Variants in FER1L6 observed in about 807,000 individuals in gnomAD.
The protein encoded by FER1L6 is fer-1-like protein 6.
Under a neutral mutation model 219.2 loss-of-function variants are expected in FER1L6, and 177 were observed. The ratio of observed to expected loss-of-function variants is 0.81; its 90% CI spans 0.71 to 0.91. FER1L6 has a LOEUF of 0.91. Ranked by LOEUF, FER1L6 falls within the 40% of genes least tolerant of loss-of-function variation. The pLI is 0.00. For missense variants in FER1L6, 2,153 were observed against 2,259.9 expected, an observed-to-expected ratio of 0.95 and a Z score of 0.96; for synonymous variants, 768 against 824.3, an observed-to-expected ratio of 0.93 and a Z score of 1.17.
Position 123,986,151 on chromosome 8 carries a change from A to G in FER1L6, c.1494A>G (p.Lys498=), listed in dbSNP as rs1196436358. The change falls in exon 12 of 41, where the codon AAA becomes AAG. Residue 498 remains lysine, a synonymous_variant. Transcript: ENST00000522917. ...ATMIDRKIGD[K]PISFEVSIGN... ...TGATTGACCGGAAGATTGGAGATAAACCCATCAGCTTTGAAGTTTCTATTG... is the reference window on the plus strand; with the variant it reads ...TGATTGACCGGAAGATTGGAGATAAGCCCATCAGCTTTGAAGTTTCTATTG... 6.2e-7 allele frequency: 1 copy of G among 1,612,200 alleles called. No individual in the cohort carries two copies. Among genetic ancestry groups the G allele is most frequent in the Admixed American group, 1.7e-5 (1 of 60,018 alleles).
chr8:123,949,354 A>G (rs1814647245), intron 1 of FER1L6, among the ~76,000 whole-genome samples: 1 of 149,586 alleles, frequency 6.7e-6, no homozygotes, highest in African/African-American at 2.5e-5. Context: ...CACAGCATCA[A>G]AAAAAAAATG....
At position 124,035,419 on chromosome 8, in the gene FER1L6, G is replaced by A; in HGVS notation, c.2429G>A (p.Gly810Asp). ...YEAEMSSKGAGTNHPPSNLLY... is the reference protein window; with the variant it reads ...YEAEMSSKGADTNHPPSNLLY... ...GCAGAAATGTCCTCCAAAGGGGCTG[G>A]CACCAATCACCCCCCATCTAACCTG... The change falls in exon 19 of 41, where the codon GGC (glycine) becomes GAC (aspartate). Residue 810 changes from glycine (G) to aspartate (D), a missense_variant. By Grantham distance (94) the Gly-to-Asp change is moderately conservative. Coordinates refer to ENST00000522917, the MANE Select transcript of FER1L6 (RefSeq NM_001039112.2). The A allele has an allele frequency of 6.2e-7, 1 of 1,613,600 alleles. No individual in the cohort carries two copies. The highest frequency in any genetic ancestry group is 8.5e-7 in the Non-Finnish European group (1 of 1,179,950).
intron 1 of FER1L6, among the ~76,000 whole-genome samples, chr8:123,902,582 T>A (rs1457282104): frequency 6.6e-6 from 1 of 152,218 alleles, no homozygotes; most frequent in Non-Finnish European, 1.5e-5. Flanking sequence ...CTCTTTTAAC[T>A]GTTGTTTCTT....
intron 1 of FER1L6, among the ~76,000 whole-genome samples, chr8:123,899,660 C>T (rs1170849708): frequency 6.6e-6 from 1 of 151,746 alleles, no homozygotes; most frequent in African/African-American, 2.4e-5. Flanking sequence ...AGGTTTAAGT[C>T]CTTGAGTTGA....
At chr8:124,064,935 T>C (rs1367848695) in intron 26 of FER1L6, among the ~76,000 whole-genome samples, 1 of 152,226 alleles carries the variant, frequency 6.6e-6, no homozygotes, top group Non-Finnish European at 1.5e-5. Flanking sequence ...GATGCATCTT[T>C]TGGATTCCAA....
intron 36 of FER1L6, 132 bp from the exon 37 acceptor site, chr8:124,097,653 C>G: frequency 1.6e-6 from 1 of 635,626 alleles, no homozygotes; most frequent in Non-Finnish European, 2.8e-6. Context: ...AACCAAGCCC[C>G]TAAGTGTTGA....
rs368606690 is a variant in FER1L6 at position 123,886,912 on chromosome 8, T to A, written c.-8+34727T>A. Among the ~76,000 whole-genome samples the A allele has an allele frequency of 6.6e-5, 10 of 152,282 alleles. No individual in the cohort carries two copies. The South Asian group carries it at 2.1e-3, about 32-fold the overall frequency. The stretch of plus-strand genomic sequence containing the variant: ...TATGCAAATATCGAAACTGACCCAA[T>A]AGTCCCATAGACAGTTTTTTTTAAA... On this transcript the variant is annotated intron_variant, in intron 1 of 40. Transcript: ENST00000522917.
At chr8:123,970,200 AG>A (rs2130252557) in intron 6 of FER1L6, 103 bp downstream of exon 6, 1 of 1,035,700 alleles carries the variant, frequency 9.7e-7, no homozygotes, top group South Asian at 1.3e-5. Context: ...GAATAGATTC[AG>A]GAGGGCAAGT....
At chr8:124,078,393 T>A (rs1446188596) in intron 32 of FER1L6, among the ~76,000 whole-genome samples, 1 of 152,178 alleles carries the variant, frequency 6.6e-6, no homozygotes, top group African/African-American at 2.4e-5. Flanking sequence ...TAAAGCAAAA[T>A]GATGAGATCC....
chr8:123,911,730 G>A (rs930394434), intron 1 of FER1L6, among the ~76,000 whole-genome samples: 6 of 152,166 alleles, frequency 3.9e-5, no homozygotes, highest in African/African-American at 9.7e-5. Flanking sequence ...CTGATTGTCC[G>A]AGAGCATGCA....
At chr8:123,952,496 C>T (rs1479360523) in intron 1 of FER1L6, among the ~76,000 whole-genome samples, 1 of 152,204 alleles carries the variant, frequency 6.6e-6, no homozygotes, top group African/African-American at 2.4e-5. Flanking sequence ...CTGTGTACCT[C>T]TTGCCTTATC....
chr8:123,985,340 T>G (rs946882687), intron 11 of FER1L6: 3 of 152,260 alleles, frequency 2.0e-5, no homozygotes, highest in African/African-American at 7.2e-5. Flanking sequence ...CCACATTGCA[T>G]GTAGCCCACC....
chr8:124,017,185 A>G (rs1372951029), intron 15 of FER1L6, among the ~76,000 whole-genome samples: 2 of 152,062 alleles, frequency 1.3e-5, no homozygotes, highest in Non-Finnish European at 1.5e-5. Flanking sequence ...TTTTAACTTT[A>G]CCTCCAAAAA....
intron 29 of FER1L6, among the ~76,000 whole-genome samples, chr8:124,069,731 G>A (rs189079166): frequency 1.4e-4 from 21 of 152,304 alleles, no homozygotes; most frequent in Non-Finnish European, 2.4e-4. Flanking sequence ...GTAATCTACA[G>A]CATTTGAGCT....
chr8:123,971,998 C>T (rs1815843208), intron 6 of FER1L6, among the ~76,000 whole-genome samples: 1 of 152,248 alleles, frequency 6.6e-6, no homozygotes, highest in Admixed American at 6.5e-5. Context: ...TGCATTTCAT[C>T]TTGCCCACAG....
rs4871440 is a variant in FER1L6, at chr8:123,935,670, C to G, written c.-7-20322C>G. Among the ~76,000 whole-genome samples the G allele has an allele frequency of 5.0e-3, 756 of 151,946 alleles. 2 individuals are homozygous for G. The highest frequency in any genetic ancestry group is 0.017 in the Middle Eastern group (5 of 294). ...AGGGAAGTGCAAGCTCCTGAACACC[C>G]GCTCAACACAGCTCCTGGCAGTATC... On this transcript the variant is annotated intron_variant, in intron 1 of 40. Coordinates refer to ENST00000522917, the MANE Select transcript of FER1L6 (RefSeq NM_001039112.2).
At chr8:123,874,233 T>C (rs1218764281) in intron 1 of FER1L6, among the ~76,000 whole-genome samples, 1 of 152,222 alleles carries the variant, frequency 6.6e-6, no homozygotes, top group Admixed American at 6.5e-5. Flanking sequence ...TTATCTCTTC[T>C]ACTTTCCCAG....
At chr8:123,912,310 A>T (rs893030928) in intron 1 of FER1L6, among the ~76,000 whole-genome samples, 1 of 152,156 alleles carries the variant, frequency 6.6e-6, no homozygotes, top group Non-Finnish European at 1.5e-5. Flanking sequence ...CCTACTAAGT[A>T]TTGTAAGAAG....
rs764523318 is a variant in FER1L6, at chr8:124,060,253, C to T, written c.2948C>T (p.Ala983Val). Residue 983 changes from alanine to valine, a missense_variant, in exon 23 of 41, where the codon GCC becomes GTC. Ala to Val is a moderately conservative substitution (Grantham distance 64). Transcript: ENST00000522917. ...ATCACCCAGATCTACCCGGTTCCTG[C>T]CAACATTCGGCCGGTGCTGAGCAAA... is the stretch of plus-strand genomic sequence containing the variant. The part of the protein sequence containing the change: ...PDITQIYPVP[A>V]NIRPVLSKYR... 2.7e-5 allele frequency: 43 copies of T among 1,614,166 alleles called. No homozygotes were observed. Among genetic ancestry groups the T allele is most frequent in the Non-Finnish European group, 3.6e-5 (43 of 1,180,020 alleles).
Sources: allele counts gnomAD v4.1 joint callset (sites outside exome capture counted in the v4.1 genomes callset), GRCh38; gene constraint gnomAD v4.1.1; transcripts MANE v1.5; gene names NCBI Gene and HGNC (gene_info 2026-07-23, HGNC 2026-07-21).